Variants in SKAP1 observed in about 807,000 individuals in gnomAD.
SKAP1 encodes src kinase-associated phosphoprotein 1.
Under a neutral mutation model 58.5 loss-of-function variants are expected in SKAP1, and 44 were observed. That is an observed-to-expected ratio of 0.75 (90% CI 0.59 to 0.97). SKAP1 has a LOEUF of 0.97. Ranked by LOEUF, SKAP1 falls within the 50% of genes least tolerant of loss-of-function variation. The probability of loss-of-function intolerance (pLI) is 0.00; values close to 1 mark genes in which losing one functional copy is unlikely to be tolerated. For missense variants in SKAP1, 390 were observed against 435.2 expected (o/e 0.90, Z 0.92); for synonymous variants, 127 against 149.7 (o/e 0.85, Z 1.11).
chr17:48,295,076 T>C (rs1436997225), intron 4 of SKAP1, among the ~76,000 whole-genome samples: 1 of 152,192 alleles, frequency 6.6e-6, no homozygotes, highest in Non-Finnish European at 1.5e-5. Context: ...AACAGACCAG[T>C]AGTTTTAGGC....
At position 48,346,012 on chromosome 17, in the gene SKAP1, G is replaced by A. The variant is rs142925001; in HGVS notation, c.179-6C>T. 3.5e-5 allele frequency: 55 copies of A among 1,552,740 alleles called. No homozygotes were observed. The highest frequency in any genetic ancestry group is 1.3e-4 in the Admixed American group (7 of 52,948). ...GTCCTGTCCAATGTCTCCCCCTGAG[G>A]GACAAAAAAGACAGAAAATAAGGTT... On this transcript the variant is annotated splice_polypyrimidine_tract_variant and splice_region_variant and intron_variant, in intron 3 of 12. Transcript: ENST00000336915.
At chr17:48,313,107 T>C (rs1210773620) in intron 4 of SKAP1, among the ~76,000 whole-genome samples, 4 of 149,016 alleles carry the variant, frequency 2.7e-5, no homozygotes, top group African/African-American at 4.9e-5. Context: ...GAAATATGGG[T>C]TGCTTGGTTT....
chr17:48,288,511 C>A (rs954673236), intron 4 of SKAP1, among the ~76,000 whole-genome samples: 4 of 152,092 alleles, frequency 2.6e-5, no homozygotes, highest in African/African-American at 9.7e-5. Flanking sequence ...TATGGTGAAA[C>A]CCCGTCTCTA....
intron 10 of SKAP1, among the ~76,000 whole-genome samples, chr17:48,165,241 G>T (rs987209200): frequency 2.6e-5 from 4 of 152,270 alleles, no homozygotes; most frequent in Admixed American, 1.3e-4. Context: ...TAAGTTGGAG[G>T]AGGGCTTCAT....
Position 48,182,443 on chromosome 17 carries a change from A to G in SKAP1, c.582T>C (p.Ser194=). ...DRRSYEFTAT[S]PAEARDWVDQ... ...CCACCCAGTCTCTGGCTTCTGCTGG[A>G]CTAGTAGCTGTAAACTAGAGAAAAA... The change falls in exon 8 of 13, where the codon AGT becomes AGC. Residue 194 remains serine (S), a synonymous_variant. Transcript: ENST00000336915. 6.2e-7 allele frequency: 1 copy of G among 1,609,316 alleles called. No homozygotes were observed. Among genetic ancestry groups the G allele is most frequent in the Non-Finnish European group, 8.5e-7 (1 of 1,177,182 alleles).
chr17:48,405,326 C>G (rs1297383799), intron 1 of SKAP1, among the ~76,000 whole-genome samples: 1 of 144,188 alleles, frequency 6.9e-6, no homozygotes, highest in Admixed American at 7.1e-5. Context: ...AAAATTATTC[C>G]TGGGCTATTT....
At chr17:48,422,888 TA>T (rs2067812349) in intron 1 of SKAP1, among the ~76,000 whole-genome samples, 1 of 152,098 alleles carries the variant, frequency 6.6e-6, no homozygotes, top group African/African-American at 2.4e-5. Flanking sequence ...ATGTTGAATT[TA>T]AAACCATAAT....
intron 4 of SKAP1, among the ~76,000 whole-genome samples, chr17:48,304,662 A>G (rs1389090941): frequency 6.6e-6 from 1 of 152,194 alleles, no homozygotes. Context: ...AAACAGAAGT[A>G]ATTATTCATC....
At chr17:48,386,870 T>G (rs969674523) in intron 2 of SKAP1, among the ~76,000 whole-genome samples, 2 of 152,214 alleles carry the variant, frequency 1.3e-5, no homozygotes, top group African/African-American at 4.8e-5. Context: ...CACTAATATT[T>G]CAAACAGGGC....
intron 2 of SKAP1, among the ~76,000 whole-genome samples, chr17:48,379,826 T>G (rs972346297): frequency 6.6e-6 from 1 of 151,792 alleles, no homozygotes; most frequent in Non-Finnish European, 1.5e-5. Flanking sequence ...GGATTACAGG[T>G]GCCCGCCACC....
intron 2 of SKAP1, among the ~76,000 whole-genome samples, chr17:48,366,381 A>C (rs2067002133): frequency 6.6e-6 from 1 of 152,060 alleles, no homozygotes; most frequent in Non-Finnish European, 1.5e-5. Context: ...AGAGAAATGT[A>C]AGATACTTGG....
chr17:48,279,991 G>C (rs564402894), intron 4 of SKAP1, among the ~76,000 whole-genome samples: 1 of 152,240 alleles, frequency 6.6e-6, no homozygotes, highest in Admixed American at 6.5e-5. Context: ...AGAGCAGACA[G>C]AGAAGAAAAT....
intron 4 of SKAP1, among the ~76,000 whole-genome samples, chr17:48,225,755 C>T (rs2065061042): frequency 6.6e-6 from 1 of 152,158 alleles, no homozygotes; most frequent in Non-Finnish European, 1.5e-5. Flanking sequence ...CTGAAACCAG[C>T]AGGTCCCTTA....
Position 48,274,406 on chromosome 17 carries a change from A to T in SKAP1, c.280+71499T>A, listed in dbSNP as rs540475364. 1.7e-3 allele frequency among the ~76,000 whole-genome samples: 249 copies of T among 150,794 alleles called. 1 individual carries two copies. Among genetic ancestry groups the T allele is most frequent in the African/African-American group, 5.7e-3 (235 of 41,024 alleles). ...GTGAGACTCTGCATCAAAAAAAAAA[A>T]TTTTTTTTGGCCGGGCATGGTGGCT... On this transcript the variant is annotated intron_variant, in intron 4 of 12. Transcript: ENST00000336915.
intron 4 of SKAP1, among the ~76,000 whole-genome samples, chr17:48,265,153 T>C (rs1454986854): frequency 6.6e-6 from 1 of 152,140 alleles, no homozygotes; most frequent in African/African-American, 2.4e-5. Context: ...CAGTTTTAAT[T>C]TGGGAAGTTA....
chr17:48,336,036 T>G (rs1035493051), intron 4 of SKAP1, among the ~76,000 whole-genome samples: 2 of 151,990 alleles, frequency 1.3e-5, no homozygotes, highest in Admixed American at 1.3e-4. Context: ...CAAAACAAAA[T>G]AAAAATCCAG....
intron 9 of SKAP1, 58 bp from the exon 10 acceptor site, chr17:48,170,717 T>TC: frequency 6.7e-7 from 1 of 1,484,664 alleles, no homozygotes; most frequent in East Asian, 2.3e-5. Flanking sequence ...ATGTTCTTTT[T>TC]TTTTTTTTTC....
At chr17:48,158,967 A>G (rs1318055098) in intron 11 of SKAP1, among the ~76,000 whole-genome samples, 1 of 22,336 alleles carries the variant, frequency 4.5e-5, no homozygotes, top group Non-Finnish European at 1.1e-4. Flanking sequence ...CTCAAAAAGA[A>G]AAAAAAAAAA....
chr17:48,137,488 T>A (rs1024457549), intron 11 of SKAP1, 151 bp from the exon 12 acceptor site: 9 of 526,228 alleles, frequency 1.7e-5, no homozygotes, highest in African/African-American at 7.6e-5. Context: ...TTATTAAATT[T>A]AAAAAAATCA....
Sources: allele counts gnomAD v4.1 joint callset (sites outside exome capture counted in the v4.1 genomes callset), GRCh38; gene constraint gnomAD v4.1.1; transcripts MANE v1.5; gene names NCBI Gene and HGNC (gene_info 2026-07-23, HGNC 2026-07-21).